The following FOCAD variants were observed in gnomAD, a reference collection of about 807,000 sequenced individuals.
FOCAD encodes focadhesin.
FOCAD carries 198 observed loss-of-function variants against 225.6 expected under a neutral mutation model. The ratio of observed to expected loss-of-function variants is 0.88; its 90% CI spans 0.78 to 0.99. The LOEUF is 0.99. Among genes scored for constraint, FOCAD ranks in the 50% least tolerant of loss-of-function variants. The probability of loss-of-function intolerance (pLI) is 0.00; values close to 1 mark genes in which losing one functional copy is unlikely to be tolerated. For missense variants in FOCAD, 2,713 were observed against 2,123.6 expected (o/e 1.28, Z -5.46); for synonymous variants, 897 against 755.0 (o/e 1.19, Z -3.08).
intron 11 of FOCAD, among the ~76,000 whole-genome samples, chr9:20,802,125 A>T (rs1821908054): frequency 6.6e-6 from 1 of 152,104 alleles, no homozygotes; most frequent in Admixed American, 6.5e-5. Flanking sequence ...TTAAGAAGTG[A>T]TTTGGGATGA....
chr9:20,704,565 A>C (rs897252832), intron 1 of FOCAD, among the ~76,000 whole-genome samples: 6 of 152,124 alleles, frequency 3.9e-5, no homozygotes, highest in African/African-American at 1.4e-4. Flanking sequence ...TATAATAGTT[A>C]TTTTTCTCCT....
At chr9:20,800,919 G>A (rs1317805663) in intron 11 of FOCAD, among the ~76,000 whole-genome samples, 1 of 152,070 alleles carries the variant, frequency 6.6e-6, no homozygotes, top group Non-Finnish European at 1.5e-5. Context: ...AGGAGGAGAG[G>A]CGCTCTGATT....
chr9:20,697,844 G>C lies in FOCAD; in HGVS notation c.-33+13551G>C, dbSNP rs564237631. ...TGTTGAACACAGTGGAGGAACACTT[G>C]ATGTTTTTCTCAGGTGCAGATGGAT... On this transcript the variant is annotated intron_variant, in intron 1 of 43. Coordinates refer to ENST00000338382, the MANE Select transcript of FOCAD (RefSeq NM_001375567.1). Among the ~76,000 whole-genome samples the C allele has an allele frequency of 3.9e-5, 6 of 152,342 alleles. No homozygotes were observed. The South Asian group carries it at 1.2e-3, about 32-fold the overall frequency.
chr9:20,712,845 A>T (rs980187774), intron 1 of FOCAD, among the ~76,000 whole-genome samples: 1 of 142,582 alleles, frequency 7.0e-6, no homozygotes, highest in Non-Finnish European at 1.5e-5. Flanking sequence ...TGATTCTCCT[A>T]TCCCAGCCTC....
At chr9:20,723,298 G>A (rs1431663009) in intron 4 of FOCAD, among the ~76,000 whole-genome samples, 1 of 152,190 alleles carries the variant, frequency 6.6e-6, no homozygotes, top group East Asian at 1.9e-4. Context: ...GACCAGCCTG[G>A]CCAACATGGT....
chr9:20,733,545 C>T (rs530720978), intron 4 of FOCAD, among the ~76,000 whole-genome samples: 6 of 152,206 alleles, frequency 3.9e-5, no homozygotes, highest in Admixed American at 3.9e-4. Flanking sequence ...TGTGATGTTC[C>T]CCTTCCTGTG....
rs1207385767 is a variant in FOCAD, at chr9:20,879,178, A to G, written c.2318-2693A>G. Among the ~76,000 whole-genome samples the G allele has an allele frequency of 2.6e-5, 4 of 152,216 alleles. No individual in the cohort carries two copies. The East Asian group carries it at 5.8e-4, about 22-fold the overall frequency. ...AAGTTCACAAGTTCACCCCTTGTCA[A>G]CTGGCACCCATACACATCTCCTTAA... On this transcript the variant is annotated intron_variant, in intron 19 of 43. Coordinates refer to ENST00000338382, the MANE Select transcript of FOCAD (RefSeq NM_001375567.1).
chr9:20,771,006 G>C (rs1357438704), intron 8 of FOCAD, among the ~76,000 whole-genome samples: 1 of 152,088 alleles, frequency 6.6e-6, no homozygotes, highest in Non-Finnish European at 1.5e-5. Context: ...ATAAGAGAAA[G>C]GATTTTATGG....
At position 20,776,788 on chromosome 9, in the gene FOCAD, G is replaced by A. The variant is rs988073463; in HGVS notation, c.907-1893G>A. 2.0e-5 allele frequency among the ~76,000 whole-genome samples: 3 copies of A among 152,116 alleles called. No individual in the cohort carries two copies. In the East Asian group the frequency reaches 5.8e-4, roughly 29 times the overall value. On this transcript the variant is annotated intron_variant, in intron 8 of 43. Coordinates refer to ENST00000338382, the MANE Select transcript of FOCAD (RefSeq NM_001375567.1). ...TTACTATACAGCAGTGCTTTTCTTT[G>A]TTGTTGATCGTTTTGGAATCTAGTA...
At chr9:20,958,072 T>C (rs911520800) in intron 35 of FOCAD, among the ~76,000 whole-genome samples, 1 of 147,606 alleles carries the variant, frequency 6.8e-6, no homozygotes, top group African/African-American at 2.5e-5. Context: ...ACTGGCTGTA[T>C]AACTTCAGGC....
intron 2 of FOCAD, among the ~76,000 whole-genome samples, chr9:20,667,452 A>G (rs1190690808): frequency 2.0e-5 from 3 of 152,244 alleles, no homozygotes; most frequent in Non-Finnish European, 4.4e-5. Flanking sequence ...GGGAATTTAA[A>G]TTGTAAAAGA....
intron 15 of FOCAD, among the ~76,000 whole-genome samples, chr9:20,853,283 GA>G (rs1411109393): frequency 6.6e-6 from 1 of 151,650 alleles, no homozygotes; most frequent in East Asian, 1.9e-4. Context: ...TCACTAGGGG[GA>G]ATAAAAAAGA....
At chr9:20,790,204 C>A (rs760552653) in intron 11 of FOCAD, among the ~76,000 whole-genome samples, 1 of 152,200 alleles carries the variant, frequency 6.6e-6, no homozygotes, top group African/African-American at 2.4e-5. Flanking sequence ...AATAAGACTT[C>A]TTTCCCCAGC....
At position 20,687,010 on chromosome 9, in the gene FOCAD, T is replaced by C. The variant is rs1050115581; in HGVS notation, c.-33+2717T>C. On this transcript the variant is annotated intron_variant, in intron 1 of 43. Coordinates refer to ENST00000338382, the MANE Select transcript of FOCAD (RefSeq NM_001375567.1). ...CTGGCCTCATAGTTTTTTTTTTTTT[T>C]CCCCCTACTCAGGTCATATTGAAAG... 9.9e-5 allele frequency among the ~76,000 whole-genome samples: 15 copies of C among 151,860 alleles called. No homozygotes were observed. In the East Asian group the frequency reaches 1.2e-3, roughly 12 times the overall value.
chr9:20,936,764 A>G (rs1836016090), intron 28 of FOCAD, among the ~76,000 whole-genome samples: 1 of 152,182 alleles, frequency 6.6e-6, no homozygotes, highest in African/African-American at 2.4e-5. Context: ...AGGAAACAAA[A>G]TTAGGAAAAG....
At chr9:20,660,837 A>C (rs1166049816) in intron 2 of FOCAD, among the ~76,000 whole-genome samples, 2 of 152,174 alleles carry the variant, frequency 1.3e-5, no homozygotes, top group East Asian at 3.8e-4. Context: ...ATACAGAAAT[A>C]AAAGAAGAAT....
At chr9:20,682,192 CT>C (rs1822419050), upstream of FOCAD, among the ~76,000 whole-genome samples, 1 of 152,204 alleles carries the variant, frequency 6.6e-6, no homozygotes, top group Non-Finnish European at 1.5e-5. Flanking sequence ...GCTTGCAGAA[CT>C]GTGAACAATA....
chr9:20,763,445 C>T (rs1441405131), intron 6 of FOCAD, among the ~76,000 whole-genome samples: 1 of 152,064 alleles, frequency 6.6e-6, no homozygotes, highest in Non-Finnish European at 1.5e-5. Context: ...CTAGCCTGGG[C>T]AATGTAGCAA....
At chr9:20,729,921 C>T (rs1826533244) in intron 4 of FOCAD, among the ~76,000 whole-genome samples, 1 of 152,080 alleles carries the variant, frequency 6.6e-6, no homozygotes, top group Non-Finnish European at 1.5e-5. Flanking sequence ...TGACTTCCCC[C>T]ACCTCCCAGA....
Sources: gnomAD v4.1 joint callset for allele counts (sites outside exome capture counted in the v4.1 genomes callset) on GRCh38, gnomAD v4.1.1 for gene constraint, MANE v1.5 for transcripts, NCBI Gene and HGNC (gene_info 2026-07-23, HGNC 2026-07-21) for gene names.